The following TANC1 variants were observed in gnomAD, a reference collection of about 807,000 sequenced individuals.
The protein encoded by TANC1 is tetratricopeptide repeat, ankyrin repeat and coiled-coil containing 1.
Under a neutral mutation model 149.7 loss-of-function variants are expected in TANC1, and 77 were observed. The observed-to-expected ratio is 0.51, with a 90% CI of 0.43 to 0.62. The LOEUF is 0.62. Ranked by LOEUF, TANC1 falls within the 20% of genes least tolerant of loss-of-function variation. TANC1 has a pLI of 0.00. For missense variants in TANC1, 1,985 were observed against 2,321.8 expected, an observed-to-expected ratio of 0.85 and a Z score of 2.98; for synonymous variants, 854 against 925.0, an observed-to-expected ratio of 0.92 and a Z score of 1.39.
At chr2:159,143,077 AAC>A (rs1249951550) in intron 5 of TANC1, among the ~76,000 whole-genome samples, 1 of 55,316 alleles carries the variant, frequency 1.8e-5, no homozygotes, top group Non-Finnish European at 5.1e-5. Context: ...AAAAAAAAAA[AAC>A]AACAAAACAA....
intron 2 of TANC1, among the ~76,000 whole-genome samples, chr2:159,021,032 G>A (rs957441016): frequency 1.3e-5 from 2 of 152,250 alleles, no homozygotes; most frequent in South Asian, 2.1e-4. Context: ...CAGGGTATTC[G>A]AAGTGGTTTG....
chr2:159,106,796 G>A (rs1226436268), intron 4 of TANC1, among the ~76,000 whole-genome samples: 1 of 152,088 alleles, frequency 6.6e-6, no homozygotes. Flanking sequence ...CTGAGTATGA[G>A]GTTTCCAATT....
chr2:159,002,225 G>C (rs1169661170), intron 2 of TANC1, among the ~76,000 whole-genome samples: 1 of 152,220 alleles, frequency 6.6e-6, no homozygotes, highest in African/African-American at 2.4e-5. Context: ...AGTTCAGCCT[G>C]GGTGCCTCTT....
Position 159,171,871 on chromosome 2 carries a change from A to AAAG in TANC1, c.1352-248_1352-247insGAA, listed in dbSNP as rs1553599448. Among the ~76,000 whole-genome samples, 15 of 105,590 alleles carry AAAG rather than the reference A, an allele frequency of 1.4e-4. 2 individuals are homozygous for AAAG. The highest frequency in any genetic ancestry group is 2.2e-4 in the Admixed American group (2 of 9,276). 69.3% of individuals were successfully genotyped at this position (105,590 alleles called of 152,430 possible). Reference sequence around the variant, plus strand: ...GACTCCGCCTTAAAAAAAAAAAAAAAAAAAGAAAAAGAAAAAAAAAATTTA... The same window carrying AAAG: ...GACTCCGCCTTAAAAAAAAAAAAAAAAAGAAAAGAAAAAGAAAAAAAAAATTTA... On this transcript the variant is annotated intron_variant, in intron 10 of 26. Coordinates refer to ENST00000263635, the MANE Select transcript of TANC1 (RefSeq NM_033394.3).
chr2:159,044,353 G>A (rs764228877), intron 2 of TANC1, among the ~76,000 whole-genome samples: 6 of 152,042 alleles, frequency 3.9e-5, no homozygotes, highest in East Asian at 1.9e-4. Flanking sequence ...TGGGAGGATC[G>A]CTTGAGCCCA....
intron 5 of TANC1, among the ~76,000 whole-genome samples, chr2:159,137,653 T>G (rs528462332): frequency 6.6e-6 from 1 of 152,154 alleles, no homozygotes; most frequent in Admixed American, 6.5e-5. Context: ...CTGTTCTCTC[T>G]CTCCTCGGTG....
At chr2:159,102,356 T>G (rs2046807715) in intron 4 of TANC1, among the ~76,000 whole-genome samples, 1 of 151,778 alleles carries the variant, frequency 6.6e-6, no homozygotes, top group Admixed American at 6.6e-5. Context: ...CAAGGCTCAC[T>G]GTAGCCTCAA....
At chr2:159,076,007 T>C (rs1166163881) in intron 3 of TANC1, among the ~76,000 whole-genome samples, 1 of 152,236 alleles carries the variant, frequency 6.6e-6, no homozygotes, top group East Asian at 1.9e-4. Context: ...TTGTCACTTT[T>C]ATAGGTTAAA....
At chr2:159,221,375 A>G (rs933594731) in intron 22 of TANC1, among the ~76,000 whole-genome samples, 2 of 151,266 alleles carry the variant, frequency 1.3e-5, no homozygotes, top group Non-Finnish European at 2.9e-5. Context: ...AGTGAGACTC[A>G]GTCTCAAAAA....
intron 2 of TANC1, among the ~76,000 whole-genome samples, chr2:159,015,411 CT>C (rs2038172259): frequency 6.6e-6 from 1 of 152,180 alleles, no homozygotes; most frequent in Non-Finnish European, 1.5e-5. Flanking sequence ...CTTTTTCCTC[CT>C]AGGCCTCTGG....
Position 159,229,762 on chromosome 2 carries a change from C to G in TANC1, c.4336C>G (p.Pro1446Ala), listed in dbSNP as rs774825485. ...CGACTCCGAGAACGAAGAGGACACC[C>G]CAACCCCTGGCTTAAGTGACCACTT... ...LNDSENEEDT[P>A]TPGLSDHFHS... The change falls in exon 27 of 27, where the codon CCA (proline) becomes GCA (alanine). Residue 1446 changes from proline to alanine, a missense_variant. Coordinates refer to ENST00000263635, the MANE Select transcript of TANC1 (RefSeq NM_033394.3). 3.7e-6 allele frequency: 6 copies of G among 1,613,950 alleles called. No homozygotes were observed. The African/African-American group carries it at 5.3e-5, about 14-fold the overall frequency.
chr2:159,226,736 G>A lies in TANC1; in HGVS notation c.3903+957G>A, dbSNP rs936689660. 1.1e-4 allele frequency: 16 copies of A among 152,100 alleles called. No individual in the cohort carries two copies. In the Middle Eastern group the frequency reaches 0.01, roughly 97 times the overall value. 9.4% of individuals were successfully genotyped at this position (152,100 alleles called of 1,614,324 possible). On this transcript the variant is annotated intron_variant, in intron 24 of 26. Transcript: ENST00000263635. The stretch of plus-strand genomic sequence containing the variant: ...AGGTCAGCAAACTTTTTTTGTAAAG[G>A]GCCAGACAGTAAATGTTTTAGGCTT...
chr2:159,148,025 A>G (rs573049907), intron 5 of TANC1: 1 of 152,380 alleles, frequency 6.6e-6, no homozygotes, highest in Non-Finnish European at 1.5e-5. Context: ...CTCAACGGCA[A>G]CATCACTGTG....
chr2:159,093,379 T>A (rs1051252764), intron 3 of TANC1, among the ~76,000 whole-genome samples: 4 of 152,250 alleles, frequency 2.6e-5, no homozygotes, highest in Non-Finnish European at 5.9e-5. Flanking sequence ...TGAGGAATGT[T>A]ACATCTACTG....
chr2:159,072,787 C>T (rs2043275872), intron 3 of TANC1, among the ~76,000 whole-genome samples: 1 of 151,852 alleles, frequency 6.6e-6, no homozygotes, highest in Admixed American at 6.6e-5. Context: ...AAAAAAGCTT[C>T]TTGTTCCTTT....
chr2:159,196,374 G>A (rs936083924), intron 17 of TANC1, among the ~76,000 whole-genome samples: 17 of 152,202 alleles, frequency 1.1e-4, no homozygotes, highest in African/African-American at 3.9e-4. Flanking sequence ...GGAGTAAGGA[G>A]GGTGTTTTGT....
At chr2:159,071,834 C>T (rs926402942) in intron 3 of TANC1, among the ~76,000 whole-genome samples, 5 of 152,264 alleles carry the variant, frequency 3.3e-5, no homozygotes, top group East Asian at 1.9e-4. Flanking sequence ...TGTTAACATT[C>T]TCCAAAAGTG....
intron 4 of TANC1, among the ~76,000 whole-genome samples, chr2:159,130,587 C>T (rs1559315051): frequency 6.6e-6 from 1 of 152,158 alleles, no homozygotes; most frequent in African/African-American, 2.4e-5. Context: ...GTGTGGCCTG[C>T]AGTTGTTCTG....
At chr2:159,118,349 T>C (rs917985424) in intron 4 of TANC1, among the ~76,000 whole-genome samples, 4 of 152,290 alleles carry the variant, frequency 2.6e-5, no homozygotes, top group African/African-American at 9.6e-5. Context: ...ACCACCACCA[T>C]GAGAGTGGAG....
Sources: allele counts gnomAD v4.1 joint callset (sites outside exome capture counted in the v4.1 genomes callset), GRCh38; gene constraint gnomAD v4.1.1; transcripts MANE v1.5; gene names NCBI Gene and HGNC (gene_info 2026-07-23, HGNC 2026-07-21).